The following FAT3 variants were observed in gnomAD, a reference collection of about 807,000 sequenced individuals.
FAT3 encodes the protein protocadherin Fat 3.
A neutral mutation model predicts 310.2 loss-of-function variants in FAT3; 95 were observed. The ratio of observed to expected loss-of-function variants is 0.31; its 90% CI spans 0.26 to 0.36. FAT3 has a LOEUF of 0.36. Among genes scored for constraint, FAT3 ranks in the 10% least tolerant of loss-of-function variants. FAT3 has a pLI of 1.00. For missense variants in FAT3, 5,408 were observed against 5,715.6 expected (o/e 0.95, Z 1.74); for synonymous variants, 2,314 against 2,192.9 (o/e 1.06, Z -1.54).
At chr11:92,508,437 C>A (rs182883046) in intron 2 of FAT3, among the ~76,000 whole-genome samples, 12 of 151,918 alleles carry the variant, frequency 7.9e-5, no homozygotes, top group Admixed American at 6.6e-4. Flanking sequence ...GCTTTACTTA[C>A]GTTTTTCAGA....
chr11:92,340,127 A>C (rs1011534020), intron 1 of FAT3, among the ~76,000 whole-genome samples: 1 of 149,958 alleles, frequency 6.7e-6, no homozygotes, highest in Non-Finnish European at 1.5e-5. Flanking sequence ...AAAAAAAAAA[A>C]AAAAAAAGCC....
chr11:92,524,131 C>CA (rs1169480651), intron 2 of FAT3, among the ~76,000 whole-genome samples: 3 of 151,734 alleles, frequency 2.0e-5, no homozygotes, highest in Non-Finnish European at 4.4e-5. Flanking sequence ...CTCTAACAGG[C>CA]AAAAAAAGAA....
In FAT3 at chr11:92,524,948, G is replaced by T. The variant is rs751800630; in HGVS notation, c.3607G>T (p.Gly1203Cys). 1.2e-6 allele frequency: 2 copies of T among 1,612,194 alleles called. No homozygotes were observed. The highest frequency in any genetic ancestry group is 3.3e-5 in the Admixed American group (2 of 59,898). ...QNFFAINIKTGLITTTSRKLD... is the reference protein window; with the variant it reads ...QNFFAINIKTCLITTTSRKLD... Reference sequence around the variant, plus strand: ...TTTTTTTGCCATCAATATCAAAACAGGTAAGGGAATGCTTATATGACTTCT... The same window carrying T: ...TTTTTTTGCCATCAATATCAAAACATGTAAGGGAATGCTTATATGACTTCT... Residue 1203 changes from glycine (G) to cysteine (C), a missense_variant and splice_region_variant, in exon 3 of 28, where the codon GGT becomes TGT. This residue lies in a region of FAT3 where 4,588 missense variants were observed against 4,809.8 expected (regional missense o/e 0.95). Coordinates refer to ENST00000525166, the MANE Select transcript of FAT3 (RefSeq NM_001367949.2).
chr11:92,378,543 C>G (rs1949411130), intron 2 of FAT3, among the ~76,000 whole-genome samples: 1 of 152,094 alleles, frequency 6.6e-6, no homozygotes, highest in Non-Finnish European at 1.5e-5. Flanking sequence ...ACTATTTTAA[C>G]TATATCAAGG....
rs1324654070 is a variant in FAT3 at position 92,891,235 on chromosome 11, G to A, written c.*122G>A. 15 of 1,304,226 alleles carry A rather than the reference G, an allele frequency of 1.2e-5. No individual in the cohort carries two copies. Among genetic ancestry groups the A allele is most frequent in the Non-Finnish European group, 1.3e-5 (12 of 959,808 alleles). The allele number at this position is 1,304,226 out of a possible 1,614,324, so 80.8% of individuals were successfully genotyped here. A position where few individuals can be genotyped will look rare whatever the true frequency, so the allele number is the denominator to read the frequency against. On this transcript the variant is annotated 3_prime_UTR_variant, in exon 28 of 28. Coordinates refer to ENST00000525166, the MANE Select transcript of FAT3 (RefSeq NM_001367949.2). ...AAGGGAATACTGTATTTTTCCACTA[G>A]AAACTTCTTCACAAGTCATACTGTC...
chr11:92,381,819 A>G (rs1294140839), intron 2 of FAT3, among the ~76,000 whole-genome samples: 1 of 152,096 alleles, frequency 6.6e-6, no homozygotes, highest in Non-Finnish European at 1.5e-5. Context: ...TCTTAAAGGG[A>G]AATATTTTTG....
At chr11:92,531,235 G>A (rs1265120300) in intron 3 of FAT3, among the ~76,000 whole-genome samples, 10 of 152,150 alleles carry the variant, frequency 6.6e-5, no homozygotes, top group African/African-American at 9.7e-5. Context: ...AGAACAAATC[G>A]GGCTTATGCA....
chr11:92,286,469 A>G (rs1369908743), intron 1 of FAT3, among the ~76,000 whole-genome samples: 1 of 152,184 alleles, frequency 6.6e-6, no homozygotes, highest in Non-Finnish European at 1.5e-5. Flanking sequence ...TCAGTTCTCT[A>G]TGTAATCTGC....
chr11:92,611,233 C>A (rs987399329), intron 3 of FAT3, among the ~76,000 whole-genome samples: 1 of 152,070 alleles, frequency 6.6e-6, no homozygotes, highest in African/African-American at 2.4e-5. Flanking sequence ...AAGTGATCCT[C>A]CATCCTCAGC....
In FAT3 at chr11:92,765,779, AT is replaced by A. The variant is rs1482069648; in HGVS notation, c.4195+698del. ...TTGTTTGAGGTTTGATAGGGTTTGG[AT>A]TTTTTTTGAGGGGGGGGTTGTTTTG... is the stretch of plus-strand genomic sequence containing the variant. On this transcript the variant is annotated intron_variant, in intron 6 of 27. Coordinates refer to ENST00000525166, the MANE Select transcript of FAT3 (RefSeq NM_001367949.2). 1.3e-4 allele frequency among the ~76,000 whole-genome samples: 8 copies of A among 59,654 alleles called. No homozygotes were observed. The South Asian group carries it at 4.0e-3, about 30-fold the overall frequency. The allele number at this position is 59,654 out of a possible 152,430, so 39.1% of individuals were successfully genotyped here. A position where few individuals can be genotyped will look rare whatever the true frequency, so the allele number is the denominator to read the frequency against.
chr11:92,408,537 T>C (rs1950184894), intron 2 of FAT3, among the ~76,000 whole-genome samples: 1 of 152,206 alleles, frequency 6.6e-6, no homozygotes, highest in African/African-American at 2.4e-5. Context: ...AATAAGTGTA[T>C]GAAACACCTC....
intron 2 of FAT3, among the ~76,000 whole-genome samples, chr11:92,405,601 A>G (rs1054037488): frequency 2.0e-5 from 3 of 152,130 alleles, no homozygotes; most frequent in Non-Finnish European, 2.9e-5. Context: ...TACAAAATAA[A>G]TTAGCTGGAC....
intron 17 of FAT3, among the ~76,000 whole-genome samples, chr11:92,839,633 A>T (rs920559468): frequency 2.6e-5 from 4 of 152,176 alleles, no homozygotes; most frequent in African/African-American, 9.7e-5. Context: ...ACTGTAGTGT[A>T]TCATCGTCTC....
At chr11:92,324,944 C>T (rs10501778) in intron 1 of FAT3, among the ~76,000 whole-genome samples, 1 of 152,116 alleles carries the variant, frequency 6.6e-6, no homozygotes, top group Admixed American at 6.5e-5. Flanking sequence ...AAGACTGACA[C>T]CAGGAATTTG....
intron 3 of FAT3, among the ~76,000 whole-genome samples, chr11:92,574,151 G>T (rs1010153018): frequency 1.3e-5 from 2 of 152,180 alleles, no homozygotes; most frequent in Admixed American, 6.6e-5. Flanking sequence ...GAAGCTGGTT[G>T]TCACAGTCAG....
intron 2 of FAT3, among the ~76,000 whole-genome samples, chr11:92,446,751 G>A (rs1951221199): frequency 6.6e-6 from 1 of 152,042 alleles, no homozygotes; most frequent in South Asian, 2.1e-4. Context: ...CCACCCTAAT[G>A]GAAAAACAGG....
chr11:92,266,207 C>T (rs564057179), intron 1 of FAT3, among the ~76,000 whole-genome samples: 27 of 152,266 alleles, frequency 1.8e-4, no homozygotes, highest in African/African-American at 5.1e-4. Context: ...CATTTCTCTT[C>T]GAAATTCATT....
chr11:92,789,454 A>G (rs1441273992), intron 7 of FAT3, among the ~76,000 whole-genome samples: 1 of 152,156 alleles, frequency 6.6e-6, no homozygotes, highest in Non-Finnish European at 1.5e-5. Context: ...TATCAGGACA[A>G]CCACAGGGCA....
chr11:92,585,933 G>A (rs1288853238), intron 3 of FAT3, among the ~76,000 whole-genome samples: 1 of 151,300 alleles, frequency 6.6e-6, no homozygotes, highest in African/African-American at 2.4e-5. Context: ...CTTCCTTCCA[G>A]TCAAAAATAA....
Sources: gnomAD v4.1 joint callset for allele counts (sites outside exome capture counted in the v4.1 genomes callset) on GRCh38, gnomAD v4.1.1 for gene constraint, gnomAD v4.1.1 regional missense constraint, MANE v1.5 for transcripts, NCBI Gene and HGNC (gene_info 2026-07-23, HGNC 2026-07-21) for gene names.